Variants in SGCZ observed in about 807,000 individuals in gnomAD.
SGCZ encodes zeta-sarcoglycan.
SGCZ carries 40 observed loss-of-function variants against 41.3 expected under a neutral mutation model. The ratio of observed to expected loss-of-function variants is 0.97; its 90% CI spans 0.75 to 1.26. The LOEUF (loss-of-function observed/expected upper bound fraction) is 1.26, where lower values mean the gene tolerates loss of function less well. Among genes scored for constraint, SGCZ ranks in the 50% most tolerant of loss-of-function variants. SGCZ has a pLI of 0.00. For synonymous variants in SGCZ, 206 were observed against 137.5 expected (o/e 1.50, Z -3.49); for missense variants, 552 against 369.8 (o/e 1.49, Z -4.04).
intron 1 of SGCZ, among the ~76,000 whole-genome samples, chr8:14,984,715 G>C (rs572180697): frequency 3.9e-5 from 6 of 152,128 alleles, no homozygotes; most frequent in Non-Finnish European, 5.9e-5. Context: ...AAATTTGACC[G>C]AGGTTTCTAA....
intron 1 of SGCZ, among the ~76,000 whole-genome samples, chr8:14,939,065 T>G (rs1800179632): frequency 6.6e-6 from 1 of 152,122 alleles, no homozygotes. Flanking sequence ...AGCACCTCAC[T>G]TAGCAAACTC....
At chr8:14,885,326 T>A (rs1804748344) in intron 1 of SGCZ, among the ~76,000 whole-genome samples, 1 of 152,222 alleles carries the variant, frequency 6.6e-6, no homozygotes. Context: ...GATACGGTTC[T>A]GGTTAGAGTA....
rs117581817 is a variant in SGCZ at position 14,109,455 on chromosome 8, T to G, written c.548-1220A>C. Among the ~76,000 whole-genome samples the G allele has an allele frequency of 3.4e-3, 517 of 152,300 alleles. 10 individuals are homozygous for G. Among genetic ancestry groups the G allele is most frequent in the East Asian group, 0.023 (118 of 5,186 alleles). The stretch of plus-strand genomic sequence containing the variant: ...ATCACCCTCAAAATAAACTTGATGA[T>G]TTTGTTTTCTGGTCTAATCTTCTTC... On this transcript the variant is annotated intron_variant, in intron 5 of 7. Transcript: ENST00000382080.
At chr8:14,619,595 T>G (rs527508586) in intron 1 of SGCZ, among the ~76,000 whole-genome samples, 1 of 152,228 alleles carries the variant, frequency 6.6e-6, no homozygotes, top group East Asian at 1.9e-4. Context: ...CAGCAAAGTC[T>G]CAGGATACAA....
chr8:14,383,391 T>C (rs1804442623), intron 2 of SGCZ, among the ~76,000 whole-genome samples: 1 of 152,214 alleles, frequency 6.6e-6, no homozygotes, highest in African/African-American at 2.4e-5. Flanking sequence ...AGTCTAATGA[T>C]GGAGTGACCA....
intron 4 of SGCZ, among the ~76,000 whole-genome samples, chr8:14,188,524 G>A (rs896551852): frequency 6.6e-6 from 1 of 152,266 alleles, no homozygotes; most frequent in Non-Finnish European, 1.5e-5. Flanking sequence ...AAGTAGGGTA[G>A]TAATTGCCTA....
chr8:14,614,997 T>C (rs915937804), intron 1 of SGCZ, among the ~76,000 whole-genome samples: 8 of 114,208 alleles, frequency 7.0e-5, no homozygotes, highest in Non-Finnish European at 1.4e-4. Context: ...TGTGTGTATA[T>C]ATGTGTGTGT....
chr8:15,067,129 ATC>A (rs1805180904), intron 1 of SGCZ, among the ~76,000 whole-genome samples: 1 of 152,190 alleles, frequency 6.6e-6, no homozygotes, highest in East Asian at 1.9e-4. Flanking sequence ...CTGAAATTAT[ATC>A]TGTTTAAAAT....
chr8:14,776,518 C>CTTTTTTTTTTT (rs35602866), intron 1 of SGCZ, among the ~76,000 whole-genome samples: 3 of 116,636 alleles, frequency 2.6e-5, no homozygotes, highest in African/African-American at 6.3e-5. Flanking sequence ...TTTTCTTTTT[C>CTTTTTTTTTTT]TTTTTTTTTT....
At chr8:15,030,407 T>C (rs1230873369) in intron 1 of SGCZ, among the ~76,000 whole-genome samples, 4 of 152,172 alleles carry the variant, frequency 2.6e-5, no homozygotes, top group Non-Finnish European at 4.4e-5. Flanking sequence ...TTACTAACTA[T>C]GTAATAATGT....
intron 1 of SGCZ, among the ~76,000 whole-genome samples, chr8:15,132,912 G>A (rs1274641827): frequency 6.6e-6 from 1 of 152,146 alleles, no homozygotes; most frequent in Non-Finnish European, 1.5e-5. Flanking sequence ...AATCCAAGGT[G>A]GGTGGACTGC....
chr8:14,090,488 T>G lies in SGCZ; in HGVS notation c.894A>C (p.Val298=). The part of the protein sequence containing the change: ...NGKLYLSPAG[V]GSTCQSSSNI... ...TGCTACTGGACTGACAAGTGGAACC[T>G]ACTCCTGCTGGAGAAAGGTAAAGTT... Residue 298 remains valine, a synonymous_variant, in exon 8 of 8, where the codon GTA becomes GTC. Coordinates refer to ENST00000382080, the MANE Select transcript of SGCZ (RefSeq NM_139167.4). 6.2e-7 allele frequency: 1 copy of G among 1,613,060 alleles called. No individual in the cohort carries two copies. Among genetic ancestry groups the G allele is most frequent in the Non-Finnish European group, 8.5e-7 (1 of 1,179,386 alleles).
intron 3 of SGCZ, among the ~76,000 whole-genome samples, chr8:14,321,294 G>A (rs1302769039): frequency 6.6e-6 from 1 of 151,826 alleles, no homozygotes; most frequent in Non-Finnish European, 1.5e-5. Flanking sequence ...TTTTTTGCTG[G>A]ACTACTTGGG....
rs118159439 is a variant in SGCZ, at chr8:14,531,205, C to A, written c.234+23527G>T. On this transcript the variant is annotated intron_variant, in intron 2 of 7. Coordinates refer to ENST00000382080, the MANE Select transcript of SGCZ (RefSeq NM_139167.4). ...TGCTTTTTCCAAGCCTATTCATAAA[C>A]CTATCAGCATACGTTTCCCCATTCT... is the stretch of plus-strand genomic sequence containing the variant. Among the ~76,000 whole-genome samples, 755 of 151,902 alleles carry A rather than the reference C, an allele frequency of 5.0e-3. 2 individuals carry two copies. Among genetic ancestry groups the A allele is most frequent in the Middle Eastern group, 0.014 (4 of 294 alleles).
At chr8:14,890,109 C>T (rs1389238369) in intron 1 of SGCZ, among the ~76,000 whole-genome samples, 2 of 151,818 alleles carry the variant, frequency 1.3e-5, no homozygotes, top group African/African-American at 4.8e-5. Context: ...CCCAGCTACT[C>T]GGGAGGCTGA....
intron 3 of SGCZ, among the ~76,000 whole-genome samples, chr8:14,282,875 A>G: frequency 1.3e-5 from 1 of 77,772 alleles, no homozygotes; most frequent in Non-Finnish European, 2.4e-5. Flanking sequence ...TTTGAGACGG[A>G]GTCTCACTCT....
At chr8:14,244,144 TC>T (rs1335658849) in intron 3 of SGCZ, among the ~76,000 whole-genome samples, 8 of 546 alleles carry the variant, frequency 0.015, no homozygotes, top group Non-Finnish European at 0.027. Context: ...TTTTCTTCCT[TC>T]TTCCTCCTCC....
intron 2 of SGCZ, among the ~76,000 whole-genome samples, chr8:14,435,294 C>T (rs866692072): frequency 5.3e-5 from 8 of 152,122 alleles, no homozygotes; most frequent in South Asian, 2.1e-4. Context: ...CTTTGTTCAC[C>T]TATTAAAATC....
At chr8:14,195,795 A>G (rs1471771255) in intron 4 of SGCZ, among the ~76,000 whole-genome samples, 1 of 152,164 alleles carries the variant, frequency 6.6e-6, no homozygotes, top group African/African-American at 2.4e-5. Flanking sequence ...ATGACTCCCA[A>G]TTCTACACAT....
Sources: gnomAD v4.1 joint callset for allele counts (sites outside exome capture counted in the v4.1 genomes callset) on GRCh38, gnomAD v4.1.1 for gene constraint, MANE v1.5 for transcripts, NCBI Gene and HGNC (gene_info 2026-07-23, HGNC 2026-07-21) for gene names.